SULF1: variants seen among roughly 807,000 people sequenced by gnomAD.
The protein encoded by SULF1 is extracellular sulfatase Sulf-1.
A neutral mutation model predicts 110.5 loss-of-function variants in SULF1; 46 were observed. The observed-to-expected ratio is 0.42, with a 90% CI of 0.33 to 0.53. SULF1 has a LOEUF of 0.53. Among genes scored for constraint, SULF1 ranks in the 20% least tolerant of loss-of-function variants. SULF1 has a pLI of 0.12. For missense variants in SULF1, 941 were observed against 1,094.2 expected (o/e 0.86, Z 1.98); for synonymous variants, 371 against 387.1 (o/e 0.96, Z 0.49).
intron 1 of SULF1, among the ~76,000 whole-genome samples, chr8:69,484,863 T>C (rs201940489): frequency 1.7e-4 from 15 of 90,326 alleles, no homozygotes; most frequent in Admixed American, 1.5e-3. Flanking sequence ...TCTTCTTCTT[T>C]TCTTCCTCCT....
At chr8:69,619,522 A>G (rs1809438576) in intron 13 of SULF1, among the ~76,000 whole-genome samples, 1 of 152,232 alleles carries the variant, frequency 6.6e-6, no homozygotes, top group Non-Finnish European at 1.5e-5. Flanking sequence ...CTTAGTCCAG[A>G]GGCAATGTCA....
At chr8:69,510,822 G>T (rs1210612452) in intron 3 of SULF1, among the ~76,000 whole-genome samples, 1 of 151,902 alleles carries the variant, frequency 6.6e-6, no homozygotes, top group Non-Finnish European at 1.5e-5. Context: ...TTGCCATATT[G>T]GCCAGGCTGG....
At chr8:69,619,341 A>T (rs1204509714) in intron 13 of SULF1, among the ~76,000 whole-genome samples, 1 of 152,242 alleles carries the variant, frequency 6.6e-6, no homozygotes, top group Non-Finnish European at 1.5e-5. Context: ...GCCAACTTAA[A>T]ATTAAATATT....
At chr8:69,634,743 G>GA (rs1049380059) in intron 19 of SULF1, among the ~76,000 whole-genome samples, 25 of 150,172 alleles carry the variant, frequency 1.7e-4, no homozygotes, top group African/African-American at 3.9e-4. Flanking sequence ...CTGTCTCAAA[G>GA]AAAAAAAAAG....
intron 15 of SULF1, 85 bp from the exon 16 acceptor site, chr8:69,627,125 G>A (rs1810137585): frequency 2.9e-6 from 3 of 1,019,762 alleles, no homozygotes; most frequent in Admixed American, 2.0e-5. Context: ...AGGATTTTGA[G>A]GATTAAAATT....
intron 5 of SULF1, among the ~76,000 whole-genome samples, chr8:69,571,432 C>T (rs1018642499): frequency 6.6e-6 from 1 of 152,140 alleles, no homozygotes; most frequent in Non-Finnish European, 1.5e-5. Flanking sequence ...TAAGCTGTGG[C>T]AAAATCCAAA....
intron 19 of SULF1, among the ~76,000 whole-genome samples, chr8:69,633,589 G>A (rs377437524): frequency 1.6e-4 from 24 of 151,700 alleles, no homozygotes; most frequent in African/African-American, 4.1e-4. Context: ...CACCCGCCTC[G>A]GCCTCCCAAA....
intron 16 of SULF1, among the ~76,000 whole-genome samples, 168 bp downstream of exon 16, chr8:69,627,474 T>C (rs1356643059): frequency 6.6e-6 from 1 of 152,192 alleles, no homozygotes; most frequent in Non-Finnish European, 1.5e-5. Flanking sequence ...ATGATAGTCC[T>C]ACTGAAAACA....
At chr8:69,539,440 C>G (rs12674825) in intron 3 of SULF1, among the ~76,000 whole-genome samples, 1 of 152,038 alleles carries the variant, frequency 6.6e-6, no homozygotes, top group African/African-American at 2.4e-5. Context: ...AAAGATCTTG[C>G]GCTTGGCAAT....
intron 5 of SULF1, among the ~76,000 whole-genome samples, chr8:69,573,411 CGG>C (rs1805382524): frequency 6.6e-6 from 1 of 152,194 alleles, no homozygotes; most frequent in Non-Finnish European, 1.5e-5. Flanking sequence ...ATTTCTACCT[CGG>C]TCCCATATTT....
chr8:69,570,179 G>T (rs1805123963), intron 5 of SULF1, among the ~76,000 whole-genome samples: 1 of 152,120 alleles, frequency 6.6e-6, no homozygotes. Flanking sequence ...AGCTGGGTTT[G>T]CTTGTTGTTG....
chr8:69,501,801 G>C (rs1460882721), intron 2 of SULF1, 73 bp from the exon 3 acceptor site: 1 of 152,148 alleles, frequency 6.6e-6, no homozygotes, highest in Non-Finnish European at 1.5e-5. Context: ...GCTGTGAAAG[G>C]GCAACATCTG....
At chr8:69,480,184 A>G (rs768784087) in intron 1 of SULF1, among the ~76,000 whole-genome samples, 4 of 152,192 alleles carry the variant, frequency 2.6e-5, no homozygotes, top group Non-Finnish European at 5.9e-5. Flanking sequence ...GATGATGACA[A>G]TATTAACCAT....
At chr8:69,589,164 C>A in intron 8 of SULF1, 23 bp downstream of exon 8, 1 of 1,603,808 alleles carries the variant, frequency 6.2e-7, no homozygotes, top group Non-Finnish European at 8.5e-7. Context: ...CTCAACTCTG[C>A]GACCTGCCGA....
At chr8:69,475,299 T>G (rs1459827571) in intron 1 of SULF1, among the ~76,000 whole-genome samples, 2 of 151,862 alleles carry the variant, frequency 1.3e-5, no homozygotes, top group Non-Finnish European at 2.9e-5. Flanking sequence ...AAGCAGTAGG[T>G]TTTTAAGAAT....
chr8:69,485,609 A>C (rs1410380908), intron 1 of SULF1, among the ~76,000 whole-genome samples: 1 of 152,182 alleles, frequency 6.6e-6, no homozygotes, highest in Non-Finnish European at 1.5e-5. Context: ...TCTAAGTCTC[A>C]GCACATCCTT....
chr8:69,526,872 G>GAAGGA (rs1812733624), intron 3 of SULF1, among the ~76,000 whole-genome samples: 2 of 135,912 alleles, frequency 1.5e-5, no homozygotes, highest in South Asian at 2.4e-4. Flanking sequence ...GAAGGAGGAA[G>GAAGGA]GGAAGGGAAG....
At chr8:69,555,743 T>G (rs73683975) in intron 3 of SULF1, among the ~76,000 whole-genome samples, 1 of 152,232 alleles carries the variant, frequency 6.6e-6, no homozygotes, top group Non-Finnish European at 1.5e-5. Flanking sequence ...TACATACGAC[T>G]GTGAGATAGT....
At chr8:69,546,710 C>A (rs1434255655) in intron 3 of SULF1, among the ~76,000 whole-genome samples, 1 of 152,044 alleles carries the variant, frequency 6.6e-6, no homozygotes, top group Non-Finnish European at 1.5e-5. Context: ...ATATTGTTAC[C>A]AAAATCTTGT....
Sources: gnomAD v4.1 joint callset for allele counts (sites outside exome capture counted in the v4.1 genomes callset) on GRCh38, gnomAD v4.1.1 for gene constraint, MANE v1.5 for transcripts, NCBI Gene and HGNC (gene_info 2026-07-23, HGNC 2026-07-21) for gene names.